Variants in BICRA observed in about 807,000 individuals in gnomAD.
BICRA encodes the protein BRD4 interacting chromatin remodeling complex associated protein, also known as BRD4-interacting chromatin-remodeling complex-associated protein.
A neutral mutation model predicts 96.9 loss-of-function variants in BICRA; 31 were observed. The ratio of observed to expected loss-of-function variants is 0.32; its 90% confidence interval spans 0.24 to 0.43. BICRA has a LOEUF of 0.43. Ranked by LOEUF, BICRA falls within the 20% of genes least tolerant of loss-of-function variation. The probability of loss-of-function intolerance (pLI) is 1.00; values close to 1 mark genes in which losing one functional copy is unlikely to be tolerated. For missense variants in BICRA, 2,283 were observed against 2,190.3 expected, an observed-to-expected ratio of 1.04 and a Z score of -0.84; for synonymous variants, 1,350 against 1,071.8, an observed-to-expected ratio of 1.26 and a Z score of -5.07.
At chr19:47,616,437 G>A (rs1373309458) in intron 1 of BICRA, among the ~76,000 whole-genome samples, 1 of 152,138 alleles carries the variant, frequency 6.6e-6, no homozygotes. Context: ...AGGAGTTCGA[G>A]ACCAGCCTGG....
At chr19:47,659,164 G>A (rs1438309050) in intron 1 of BICRA, among the ~76,000 whole-genome samples, 1 of 152,202 alleles carries the variant, frequency 6.6e-6, no homozygotes, top group Non-Finnish European at 1.5e-5. Context: ...GTAACTACCT[G>A]TATAAAATAG....
chr19:47,623,542 TTGGACTGTGGCCCATGTTC>T (rs1419534051), intron 1 of BICRA, among the ~76,000 whole-genome samples: 1 of 152,198 alleles, frequency 6.6e-6, no homozygotes, highest in African/African-American at 2.4e-5. Context: ...TTCCTACTGC[TTGGACTGTGGCCCATGTTC>T]TCACCTCCAG....
At chr19:47,674,176 G>A (rs910411581) in intron 4 of BICRA, among the ~76,000 whole-genome samples, 6 of 152,142 alleles carry the variant, frequency 3.9e-5, no homozygotes, top group Non-Finnish European at 1.5e-5. Context: ...CAGGCCCGGT[G>A]CTCCTGGCAG....
rs186148690 is a variant in BICRA at position 47,619,163 on chromosome 19, A to C, written c.-108+9995A>C. ...ATCTCCTACTTTTGTGTGTATACTT[A>C]CTCTTTCGTGGACAGTGTATATATA... On this transcript the variant is annotated intron_variant, in intron 1 of 14. Transcript: ENST00000594866. 1.2e-4 allele frequency among the ~76,000 whole-genome samples: 18 copies of C among 146,400 alleles called. No individual in the cohort carries two copies. In the East Asian group the frequency reaches 3.6e-3, roughly 29 times the overall value.
chr19:47,635,312 A>C (rs1599799286), intron 1 of BICRA, among the ~76,000 whole-genome samples: 1 of 145,948 alleles, frequency 6.9e-6, no homozygotes, highest in African/African-American at 2.6e-5. Flanking sequence ...CAGTGGCTGG[A>C]TCTTGGCTCA....
At chr19:47,629,705 T>C (rs1599793303) in intron 1 of BICRA, among the ~76,000 whole-genome samples, 1 of 152,338 alleles carries the variant, frequency 6.6e-6, no homozygotes, top group South Asian at 2.1e-4. Context: ...TCGCCCAGGC[T>C]GGAGTACAGT....
chr19:47,651,587 GCA>G (rs1415008277), intron 1 of BICRA, among the ~76,000 whole-genome samples: 1 of 152,164 alleles, frequency 6.6e-6, no homozygotes, highest in Non-Finnish European at 1.5e-5. Flanking sequence ...CTCACTCCCA[GCA>G]CCATCGGGAA....
Position 47,675,901 on chromosome 19 carries a change from C to T in BICRA, c.135C>T (p.Phe45=), listed in dbSNP as rs761750985. The change falls in exon 5 of 15, where the codon TTC becomes TTT. Residue 45 remains phenylalanine (F), a synonymous_variant. Coordinates refer to ENST00000594866, the MANE Select transcript of BICRA (RefSeq NM_001394372.1). The surrounding 1 kb of genome is among the most constrained non-coding windows in gnomAD (Gnocchi z 4.7). The stretch of plus-strand genomic sequence containing the variant: ...ATCCCGGGGAGGCCCAAAGTGCCTT[C>T]TATGAAGGTCCTGGGGTAAGTGCCG... ...LDNPGEAQSA[F]YEGPGLHVQE... is the part of the protein sequence containing the mutation. The T allele has an allele frequency of 7.5e-6, 12 of 1,607,402 alleles. No individual in the cohort carries two copies. The East Asian group carries it at 1.3e-4, about 18-fold the overall frequency.
rs1218088797 is a variant in BICRA, at chr19:47,680,442, C to T, written c.1272C>T (p.Phe424=). 1.1e-5 allele frequency: 17 copies of T among 1,538,524 alleles called. No individual in the cohort carries two copies. The highest frequency in any genetic ancestry group is 4.9e-5 in the East Asian group (2 of 40,852). ...CGCCTGCGCTGCAAGCGAACGTCTT[C>T]AAGCAGCCACCGGCCACCACCACCG... The part of the protein sequence containing the change: ...FPAPALQANV[F]KQPPATTTGA... The change falls in exon 6 of 15, where the codon TTC becomes TTT. Residue 424 remains phenylalanine, a synonymous_variant. Coordinates refer to ENST00000594866, the MANE Select transcript of BICRA (RefSeq NM_001394372.1).
At position 47,694,395 on chromosome 19, in the gene BICRA, C is replaced by T; in HGVS notation, c.2564C>T (p.Pro855Leu). 1 of 1,107,390 alleles carries T rather than the reference C, an allele frequency of 9.0e-7. No homozygotes were observed. The highest frequency in any genetic ancestry group is 1.3e-6 in the Non-Finnish European group (1 of 742,130). The allele number at this position is 1,107,390 out of a possible 1,614,324, so 68.6% of individuals were successfully genotyped here. A position where few individuals can be genotyped will look rare whatever the true frequency, so the allele number is the denominator to read the frequency against. ...GCCAGCAACCCGGCCCCTACTGCCCCAGGCCCGCCGCAGCCGCCTCTCCGC... is the reference window on the plus strand; with the variant it reads ...GCCAGCAACCCGGCCCCTACTGCCCTAGGCCCGCCGCAGCCGCCTCTCCGC... ...PPASNPAPTA[P>L]GPPQPPLRPQ... Residue 855 changes from proline (P) to leucine (L), a missense_variant, in exon 8 of 15, where the codon CCA (proline) becomes CTA (leucine). By Grantham distance (98) the Pro-to-Leu change is moderately conservative. Coordinates refer to ENST00000594866, the MANE Select transcript of BICRA (RefSeq NM_001394372.1).
At chr19:47,641,537 C>T (rs1160270070) in intron 1 of BICRA, among the ~76,000 whole-genome samples, 1 of 152,128 alleles carries the variant, frequency 6.6e-6, no homozygotes, top group Admixed American at 6.6e-5. Context: ...GTGGTCCTAG[C>T]TACTTGGGAG....
At chr19:47,633,379 C>T (rs563161589) in intron 1 of BICRA, among the ~76,000 whole-genome samples, 30 of 152,178 alleles carry the variant, frequency 2.0e-4, no homozygotes, top group Admixed American at 1.7e-3. Context: ...AATGCCCCGG[C>T]GTATTTTTCC....
In BICRA at chr19:47,681,172, C is replaced by G. The variant is rs1251630478; in HGVS notation, c.2002C>G (p.Pro668Ala). 6.6e-7 allele frequency: 1 copy of G among 1,523,918 alleles called. No individual in the cohort carries two copies. Among genetic ancestry groups the G allele is most frequent in the Admixed American group, 2.0e-5 (1 of 50,950 alleles). 94.4% of individuals were successfully genotyped at this position (1,523,918 alleles called of 1,614,324 possible). ...PPQATTPQPS[P>A]GLASSPEKIV... Reference sequence around the variant, plus strand: ...TCAGGCCACCACCCCCCAGCCCAGCCCTGGCCTGGCGTCTAGCCCGGAGAA... The same window carrying G: ...TCAGGCCACCACCCCCCAGCCCAGCGCTGGCCTGGCGTCTAGCCCGGAGAA... The change falls in exon 6 of 15, where the codon CCT becomes GCT. Residue 668 changes from proline to alanine, a missense_variant. Pro to Ala is a conservative substitution (Grantham distance 27). Coordinates refer to ENST00000594866, the MANE Select transcript of BICRA (RefSeq NM_001394372.1).
chr19:47,613,035 C>G (rs117148896), intron 1 of BICRA, among the ~76,000 whole-genome samples: 3,141 of 152,084 alleles, frequency 0.021, 48 homozygotes, highest in Non-Finnish European at 0.033. Context: ...AGGAACTGAT[C>G]TTTTTGGGGG....
intron 1 of BICRA, among the ~76,000 whole-genome samples, chr19:47,665,946 C>T (rs1463475375): frequency 6.6e-6 from 1 of 152,246 alleles, no homozygotes; most frequent in Admixed American, 6.5e-5. Flanking sequence ...TCTGTCCAGC[C>T]TCACTGGGCT....
At chr19:47,638,796 A>C (rs1972339857) in intron 1 of BICRA, among the ~76,000 whole-genome samples, 1 of 152,058 alleles carries the variant, frequency 6.6e-6, no homozygotes, top group African/African-American at 2.4e-5. Context: ...CTGGGATTAC[A>C]GGTGGCCGCC....
rs750025883 is a variant in BICRA, at chr19:47,701,737, A to G, written c.4005A>G (p.Pro1335=). The G allele has an allele frequency of 2.9e-6, 4 of 1,356,688 alleles. No homozygotes were observed. Among genetic ancestry groups the G allele is most frequent in the African/African-American group, 1.6e-5 (1 of 62,560 alleles). The allele number at this position is 1,356,688 out of a possible 1,614,324, so 84.0% of individuals were successfully genotyped here. ...TGGACCCCGTGCACCAGCCCCCGCCACCCCCCGCTACCCTCAAGGTGGCCG... is the reference window on the plus strand; with the variant it reads ...TGGACCCCGTGCACCAGCCCCCGCCGCCCCCCGCTACCCTCAAGGTGGCCG... ...TALDPVHQPP[P]PPATLKVAEP... The change falls in exon 15 of 15, where the codon CCA becomes CCG. Residue 1335 remains proline, a synonymous_variant. Transcript: ENST00000594866. This position sits in a 1 kb window ranked among gnomAD's most constrained non-coding sequence, Gnocchi z 5.4.
intron 1 of BICRA, chr19:47,661,599 G>C (rs1972706566): frequency 6.6e-6 from 1 of 152,212 alleles, no homozygotes; most frequent in Non-Finnish European, 1.5e-5. Flanking sequence ...GTCAGCTTTT[G>C]AGTATTTTAA....
rs1318830628 is a variant in BICRA, at chr19:47,694,243, C to G, written c.2412C>G (p.Pro804=). ...CCACCCGGCCCCCTTCCCGCCCACCCTCCCGGCCACAGAGTGTGTCCCGCC... is the reference window on the plus strand; with the variant it reads ...CCACCCGGCCCCCTTCCCGCCCACCGTCCCGGCCACAGAGTGTGTCCCGCC... ...PHPTRPPSRP[P]SRPQSVSRPP... The change falls in exon 8 of 15, where the codon CCC becomes CCG. Residue 804 remains proline (P), a synonymous_variant. Coordinates refer to ENST00000594866, the MANE Select transcript of BICRA (RefSeq NM_001394372.1). 1.0e-6 allele frequency: 1 copy of G among 980,368 alleles called. No homozygotes were observed. Among genetic ancestry groups the G allele is most frequent in the Non-Finnish European group, 1.5e-6 (1 of 671,682 alleles). The allele number at this position is 980,368 out of a possible 1,614,324, so 60.7% of individuals were successfully genotyped here.
Sources: allele counts gnomAD v4.1 joint callset (sites outside exome capture counted in the v4.1 genomes callset), GRCh38; gene constraint gnomAD v4.1.1; non-coding constraint Gnocchi (gnomAD v3.1); transcripts MANE v1.5; gene names NCBI Gene and HGNC (gene_info 2026-07-23, HGNC 2026-07-21).